RANBP2: variants seen among roughly 807,000 people sequenced by gnomAD.
RANBP2 encodes RAN binding protein 2.
Under a neutral mutation model 303.6 loss-of-function variants are expected in RANBP2, and 57 were observed. The observed-to-expected ratio is 0.19, with a 90% CI of 0.15 to 0.23. RANBP2 has a LOEUF of 0.23. Among genes scored for constraint, RANBP2 ranks in the 10% least tolerant of loss-of-function variants. The probability of loss-of-function intolerance (pLI) is 1.00; values close to 1 mark genes in which losing one functional copy is unlikely to be tolerated. For missense variants in RANBP2, 3,138 were observed against 3,780.8 expected (o/e 0.83, Z 4.46); for synonymous variants, 1,167 against 1,301.5 (o/e 0.90, Z 2.23).
chr2:109,683,505 A>G, the RANBP2 span, among the ~76,000 whole-genome samples: 1 of 151,922 alleles, frequency 6.6e-6, no homozygotes, highest in East Asian at 1.9e-4. Context: ...TCTTAAGTAG[A>G]CTCTCAGGAG....
chr2:109,635,678 A>G, the RANBP2 span, among the ~76,000 whole-genome samples: 1 of 152,206 alleles, frequency 6.6e-6, no homozygotes, highest in African/African-American at 2.4e-5. Flanking sequence ...GGGGACACAG[A>G]GCAGAAGTCA....
the RANBP2 span, among the ~76,000 whole-genome samples, chr2:109,038,156 T>C: frequency 6.6e-6 from 1 of 152,230 alleles, no homozygotes; most frequent in Non-Finnish European, 1.5e-5. Flanking sequence ...GACTGATTTT[T>C]ATCAAAGGTG....
the RANBP2 span, among the ~76,000 whole-genome samples, chr2:109,040,584 A>G: frequency 1.4e-4 from 21 of 152,322 alleles, no homozygotes; most frequent in African/African-American, 4.1e-4. Context: ...AAAATTTCCA[A>G]TCCACAGATG....
intron 1 of RANBP2, among the ~76,000 whole-genome samples, chr2:108,725,748 G>A (rs1573685236): frequency 6.6e-6 from 1 of 151,430 alleles, no homozygotes. Flanking sequence ...AAAGGAAGGG[G>A]GGAACAAGCC....
the RANBP2 span, among the ~76,000 whole-genome samples, chr2:109,315,453 G>A: frequency 0.31 from 47,459 of 152,142 alleles, 9,170 homozygotes; most frequent in African/African-American, 0.55. Context: ...GCTTGTGTCT[G>A]TAGAATGCAC....
At chr2:109,580,891 G>C in the RANBP2 span, among the ~76,000 whole-genome samples, 8 of 152,174 alleles carry the variant, frequency 5.3e-5, no homozygotes, top group East Asian at 1.5e-3. Context: ...GCCATTCACT[G>C]AGTTGAGGAA....
the RANBP2 span, among the ~76,000 whole-genome samples, chr2:109,637,914 C>T: frequency 6.6e-6 from 1 of 152,244 alleles, no homozygotes; most frequent in East Asian, 1.9e-4. Context: ...GCTGAGATCA[C>T]ACCACTGCAC....
chr2:109,493,281 A>G, the RANBP2 span, among the ~76,000 whole-genome samples: 1 of 137,084 alleles, frequency 7.3e-6, no homozygotes, highest in Non-Finnish European at 1.6e-5. Context: ...CACGTACACC[A>G]TAGAAACACA....
the RANBP2 span, among the ~76,000 whole-genome samples, chr2:108,819,901 CGATAATTTAAAAATG>C: frequency 6.6e-6 from 1 of 151,690 alleles, no homozygotes; most frequent in Admixed American, 6.6e-5. Flanking sequence ...AAACTGTAAC[CGATAATTTAAAAATG>C]GAAAGAGAAC....
chr2:109,199,156 G>A, the RANBP2 span, among the ~76,000 whole-genome samples: 665 of 151,844 alleles, frequency 4.4e-3, 6 homozygotes, highest in African/African-American at 0.015. Flanking sequence ...TCAGGAGATC[G>A]AGACCATCCT....
chr2:109,606,111 G>A, the RANBP2 span, among the ~76,000 whole-genome samples: 1 of 152,198 alleles, frequency 6.6e-6, no homozygotes, highest in African/African-American at 2.4e-5. Flanking sequence ...CTCATGGGCT[G>A]GGAGAATAAA....
At chr2:109,020,899 G>T in the RANBP2 span, among the ~76,000 whole-genome samples, 46 of 152,298 alleles carry the variant, frequency 3.0e-4, 1 homozygote, top group African/African-American at 9.9e-4. Context: ...TGGCAGAAAT[G>T]CTCAGACCAA....
chr2:108,938,684 T>A, the RANBP2 span, among the ~76,000 whole-genome samples: 1 of 152,200 alleles, frequency 6.6e-6, no homozygotes, highest in East Asian at 1.9e-4. Context: ...CTTTTTTGCC[T>A]TATCAAAATT....
the RANBP2 span, among the ~76,000 whole-genome samples, chr2:108,975,878 G>A: frequency 6.6e-6 from 1 of 152,188 alleles, no homozygotes; most frequent in African/African-American, 2.4e-5. Context: ...ATGGTGGAAA[G>A]GGCAGGGCAA....
chr2:109,181,103 G>T, the RANBP2 span, among the ~76,000 whole-genome samples: 448 of 152,330 alleles, frequency 2.9e-3, 4 homozygotes, highest in Middle Eastern at 0.01. Flanking sequence ...TGTGGAGGTG[G>T]TGAGGAGAAG....
chr2:109,260,606 G>A, the RANBP2 span, among the ~76,000 whole-genome samples: 164 of 152,322 alleles, frequency 1.1e-3, 1 homozygote, highest in African/African-American at 3.7e-3. Context: ...CCTGATGCAG[G>A]ATCTGACTGG....
At chr2:108,761,450 A>T (rs1403490117) in intron 18 of RANBP2, among the ~76,000 whole-genome samples, 2 of 152,160 alleles carry the variant, frequency 1.3e-5, no homozygotes, top group African/African-American at 4.8e-5. Flanking sequence ...CAAGCAAATG[A>T]CTATTGGTAG....
the RANBP2 span, among the ~76,000 whole-genome samples, chr2:109,045,574 C>A: frequency 1.3e-5 from 2 of 152,104 alleles, no homozygotes; most frequent in Non-Finnish European, 2.9e-5. Flanking sequence ...CAAACAGAGA[C>A]CCTGATAGAA....
chr2:108,766,390 G>A lies in RANBP2; in HGVS notation c.5851G>A (p.Ala1951Thr). 1 of 1,611,952 alleles carries A rather than the reference G, an allele frequency of 6.2e-7. No homozygotes were observed. Among genetic ancestry groups the A allele is most frequent in the Non-Finnish European group, 8.5e-7 (1 of 1,179,840 alleles). Residue 1951 changes from alanine to threonine, a missense_variant, in exon 20 of 29, where the codon GCA (alanine) becomes ACA (threonine). Physicochemically the swap from Ala to Thr is moderately conservative, Grantham distance 58 (BLOSUM62 0). Around this residue, in one of 20 missense-constraint regions of RANBP2, gnomAD observed 348 missense variants for 360.4 expected, o/e 0.97. Transcript: ENST00000283195. Reference protein sequence around the residue: ...TSSTFTFADLAKSTSGEGFQF... With the variant: ...TSSTFTFADLTKSTSGEGFQF... The stretch of plus-strand genomic sequence containing the variant: ...TAGCACTTTTACATTTGCAGATCTT[G>A]CAAAATCAACTTCAGGAGAAGGATT...
Sources: gnomAD v4.1 joint callset for allele counts (sites outside exome capture counted in the v4.1 genomes callset) on GRCh38, gnomAD v4.1.1 for gene constraint, gnomAD v4.1.1 regional missense constraint, MANE v1.5 for transcripts, NCBI Gene and HGNC (gene_info 2026-07-23, HGNC 2026-07-21) for gene names.